Variants in PDE8A observed in about 807,000 individuals in gnomAD.
PDE8A encodes the protein high affinity cAMP-specific and IBMX-insensitive 3',5'-cyclic phosphodiesterase 8A.
PDE8A carries 59 observed loss-of-function variants against 105.0 expected under a neutral mutation model. The ratio of observed to expected loss-of-function variants is 0.56; its 90% CI spans 0.46 to 0.70. The LOEUF (loss-of-function observed/expected upper bound fraction) is 0.70. Ranked by LOEUF, PDE8A falls within the 30% of genes least tolerant of loss-of-function variation. The pLI, the probability that PDE8A is intolerant of heterozygous loss-of-function variation, is 0.00. For synonymous variants in PDE8A, 355 were observed against 371.9 expected, an observed-to-expected ratio of 0.95 and a Z score of 0.52; for missense variants, 1,014 against 1,045.9, an observed-to-expected ratio of 0.97 and a Z score of 0.42.
intron 1 of PDE8A, among the ~76,000 whole-genome samples, chr15:85,043,676 G>A (rs1412354649): frequency 8.1e-6 from 1 of 124,190 alleles, no homozygotes; most frequent in African/African-American, 3.3e-5. Flanking sequence ...TGAAATTAAT[G>A]GTTTTTTGTT....
chr15:85,045,290 A>G (rs1045087041), intron 1 of PDE8A, among the ~76,000 whole-genome samples: 2 of 152,268 alleles, frequency 1.3e-5, no homozygotes, highest in Admixed American at 1.3e-4. Context: ...GTGGATGTTC[A>G]GTAAAGATCT....
At chr15:85,066,928 G>T in intron 2 of PDE8A, 86 bp from the exon 3 acceptor site, 1 of 993,914 alleles carries the variant, frequency 1.0e-6, no homozygotes, top group Non-Finnish European at 1.5e-6. Flanking sequence ...AACAGAGCAA[G>T]ACTCTGTCTC....
chr15:85,073,001 C>A (rs1471926760), intron 3 of PDE8A, among the ~76,000 whole-genome samples: 1 of 152,098 alleles, frequency 6.6e-6, no homozygotes, highest in South Asian at 2.1e-4. Context: ...GTAGTCCCAG[C>A]TACTTGAGAG....
At chr15:85,055,189 AT>A (rs2081040799) in intron 1 of PDE8A, among the ~76,000 whole-genome samples, 1 of 152,054 alleles carries the variant, frequency 6.6e-6, no homozygotes. Flanking sequence ...GTTTGTTATA[AT>A]TTCTGTTCTT....
chr15:85,117,641 G>A lies in PDE8A; in HGVS notation c.1536G>A (p.Arg512=). Residue 512 remains arginine (R), a splice_region_variant and synonymous_variant, in exon 17 of 22, where the codon AGG becomes AGA. Transcript: ENST00000394553. ...ATTGTGGGGTTTTTTCTGTCTATAG[G>A]CCTTTGATTTATCTTGGTCTCAAAA... ...IFELEAATHN[R]PLIYLGLKMF... is the part of the protein sequence containing the mutation. The A allele has an allele frequency of 1.2e-6, 2 of 1,613,412 alleles. No homozygotes were observed. Among genetic ancestry groups the A allele is most frequent in the African/African-American group, 1.3e-5 (1 of 75,020 alleles).
At chr15:85,059,986 T>A (rs2081118708) in intron 1 of PDE8A, among the ~76,000 whole-genome samples, 1 of 152,120 alleles carries the variant, frequency 6.6e-6, no homozygotes, top group Non-Finnish European at 1.5e-5. Context: ...CCAGCCTGGG[T>A]GATAGAGCAG....
At position 85,091,190 on chromosome 15, in the gene PDE8A, G is replaced by A. The variant is rs751629371; in HGVS notation, c.852+9G>A. On this transcript the variant is annotated intron_variant, in intron 8 of 21. Coordinates refer to ENST00000394553, the MANE Select transcript of PDE8A (RefSeq NM_002605.3). ...GCATCAGGATAGGCAAGGTAAGTAA[G>A]AGGTCAGTGCCTTTTTTAACTTTCA... 6.3e-7 allele frequency: 1 copy of A among 1,594,094 alleles called. No individual in the cohort carries two copies. The highest frequency in any genetic ancestry group is 8.5e-7 in the Non-Finnish European group (1 of 1,170,516).
intron 1 of PDE8A, among the ~76,000 whole-genome samples, chr15:84,998,416 G>A (rs1441813166): frequency 6.6e-6 from 1 of 152,214 alleles, no homozygotes; most frequent in Non-Finnish European, 1.5e-5. Flanking sequence ...TGTCCAGCAG[G>A]CTTTACTATA....
chr15:85,029,494 G>T (rs2141370907), intron 1 of PDE8A, among the ~76,000 whole-genome samples: 1 of 149,988 alleles, frequency 6.7e-6, no homozygotes. Flanking sequence ...ATTTTCTACT[G>T]AAGGCTTTTG....
chr15:85,123,052 C>G lies in PDE8A; in HGVS notation c.1953-9C>G. 1.2e-6 allele frequency: 2 copies of G among 1,612,774 alleles called. No individual in the cohort carries two copies. The highest frequency in any genetic ancestry group is 1.7e-6 in the Non-Finnish European group (2 of 1,179,010). The stretch of plus-strand genomic sequence containing the variant: ...TTTGTAGCAGCCTCTAATTTGTCAT[C>G]GAAAACAGGAATGATTATCGGACAC... On this transcript the variant is annotated splice_polypyrimidine_tract_variant and intron_variant, in intron 18 of 21. Transcript: ENST00000394553.
At chr15:85,057,152 G>A (rs547468445) in intron 1 of PDE8A, among the ~76,000 whole-genome samples, 2 of 152,138 alleles carry the variant, frequency 1.3e-5, no homozygotes, top group Non-Finnish European at 2.9e-5. Flanking sequence ...AAATGTTGCT[G>A]CCTGATCATC....
intron 1 of PDE8A, among the ~76,000 whole-genome samples, chr15:85,036,327 T>C (rs1019881459): frequency 6.6e-6 from 1 of 152,202 alleles, no homozygotes; most frequent in Non-Finnish European, 1.5e-5. Context: ...AATGTGATGC[T>C]GTCTCAGAGG....
chr15:85,102,373 A>T (rs553939450), intron 11 of PDE8A, among the ~76,000 whole-genome samples: 5 of 152,288 alleles, frequency 3.3e-5, no homozygotes, highest in Non-Finnish European at 7.4e-5. Flanking sequence ...CTCGTGTGTG[A>T]CCTGCAGACA....
At chr15:85,034,500 G>T (rs1475300740) in intron 1 of PDE8A, among the ~76,000 whole-genome samples, 1 of 152,118 alleles carries the variant, frequency 6.6e-6, no homozygotes, top group Non-Finnish European at 1.5e-5. Context: ...ACCACCTGTG[G>T]GAGGAGAGGG....
chr15:85,130,177 G>A (rs2082311261), intron 20 of PDE8A, among the ~76,000 whole-genome samples: 1 of 152,122 alleles, frequency 6.6e-6, no homozygotes, highest in Non-Finnish European at 1.5e-5. Flanking sequence ...CAGATTACCT[G>A]TAAACTCAGA....
chr15:85,084,269 C>A (rs2081513893), intron 6 of PDE8A, among the ~76,000 whole-genome samples: 1 of 151,998 alleles, frequency 6.6e-6, no homozygotes, highest in Non-Finnish European at 1.5e-5. Flanking sequence ...TTGTATGTGC[C>A]CAAGACAGTC....
Position 84,981,863 on chromosome 15 carries a change from A to G in PDE8A, c.-300A>G. Reference sequence around the variant, plus strand: ...CCCTATTTCCCCGGAAGCGCGGCCGAGGCGAGCCCGGCGATGTGAGAGGCG... The same window carrying G: ...CCCTATTTCCCCGGAAGCGCGGCCGGGGCGAGCCCGGCGATGTGAGAGGCG... On this transcript the variant is annotated 5_prime_UTR_variant, in exon 1 of 22. Coordinates refer to ENST00000394553, the MANE Select transcript of PDE8A (RefSeq NM_002605.3). 1 of 200,652 alleles carries G rather than the reference A, an allele frequency of 5.0e-6. No homozygotes were observed. Among genetic ancestry groups the G allele is most frequent in the Non-Finnish European group, 1.0e-5 (1 of 100,268 alleles). The allele number at this position is 200,652 out of a possible 1,614,324, so 12.4% of individuals were successfully genotyped here.
At chr15:85,004,336 TG>T (rs1431469498) in intron 1 of PDE8A, among the ~76,000 whole-genome samples, 1 of 152,206 alleles carries the variant, frequency 6.6e-6, no homozygotes, top group African/African-American at 2.4e-5. Context: ...GGAATTCATC[TG>T]GTCCCAGTTA....
At chr15:85,068,250 G>A (rs1313459843) in intron 3 of PDE8A, among the ~76,000 whole-genome samples, 2 of 151,998 alleles carry the variant, frequency 1.3e-5, no homozygotes, top group Admixed American at 6.6e-5. Context: ...ATATTGGCCA[G>A]GCTGGTCTTG....
Sources: gnomAD v4.1 joint callset for allele counts (sites outside exome capture counted in the v4.1 genomes callset) on GRCh38, gnomAD v4.1.1 for gene constraint, MANE v1.5 for transcripts, NCBI Gene and HGNC (gene_info 2026-07-23, HGNC 2026-07-21) for gene names.